WRN: variants seen among roughly 807,000 people sequenced by gnomAD.
WRN encodes WRN RecQ like helicase.
A neutral mutation model predicts 180.7 loss-of-function variants in WRN; 149 were observed. That is an observed-to-expected ratio of 0.82 (90% CI 0.72 to 0.94). The LOEUF (loss-of-function observed/expected upper bound fraction) is 0.94. Among genes scored for constraint, WRN ranks in the 40% least tolerant of loss-of-function variants. WRN has a pLI of 0.00. For missense variants in WRN, 1,661 were observed against 1,700.1 expected, an observed-to-expected ratio of 0.98 and a Z score of 0.40; for synonymous variants, 548 against 568.9, an observed-to-expected ratio of 0.96 and a Z score of 0.52.
chr8:31,038,558 T>G (rs937927533), intron 1 of WRN, among the ~76,000 whole-genome samples: 5 of 152,162 alleles, frequency 3.3e-5, no homozygotes, highest in Non-Finnish European at 7.4e-5. Flanking sequence ...CACTTTTAAA[T>G]TTTTATAGAG....
chr8:31,082,228 T>A (rs1813345000), intron 9 of WRN, among the ~76,000 whole-genome samples: 1 of 152,208 alleles, frequency 6.6e-6, no homozygotes, highest in Non-Finnish European at 1.5e-5. Context: ...CAAAATTACT[T>A]AAGATGCCTA....
At chr8:31,075,930 G>T (rs959097801) in intron 7 of WRN, among the ~76,000 whole-genome samples, 1 of 152,136 alleles carries the variant, frequency 6.6e-6, no homozygotes, top group Admixed American at 6.5e-5. Context: ...GTGAATAACT[G>T]CTGGGTTATA....
At chr8:31,126,436 T>A (rs1801935260) in intron 23 of WRN, among the ~76,000 whole-genome samples, 1 of 152,168 alleles carries the variant, frequency 6.6e-6, no homozygotes, top group South Asian at 2.1e-4. Context: ...TCAGAAAATG[T>A]TTTGAACTGA....
intron 3 of WRN, among the ~76,000 whole-genome samples, chr8:31,062,736 G>A (rs2130023826): frequency 6.6e-6 from 1 of 152,140 alleles, no homozygotes; most frequent in East Asian, 1.9e-4. Flanking sequence ...TCTTTATTAA[G>A]AAATGAAACA....
At chr8:31,052,678 C>T (rs76191071) in intron 1 of WRN, among the ~76,000 whole-genome samples, 25 of 152,206 alleles carry the variant, frequency 1.6e-4, no homozygotes, top group East Asian at 1.2e-3. Flanking sequence ...TGAGCCACTG[C>T]GCCTTAATTT....
chr8:31,139,214 G>C (rs554635915), intron 24 of WRN, among the ~76,000 whole-genome samples: 3 of 152,204 alleles, frequency 2.0e-5, no homozygotes, highest in African/African-American at 7.2e-5. Flanking sequence ...AGTTGCCTTA[G>C]TTAAGTTTGC....
In WRN at chr8:31,068,277, G is replaced by A. The variant is rs62506077; in HGVS notation, c.674G>A (p.Arg225Gln). 1.1e-5 allele frequency: 18 copies of A among 1,607,334 alleles called. No homozygotes were observed. The highest frequency in any genetic ancestry group is 3.3e-5 in the Admixed American group (2 of 59,718). The change falls in exon 7 of 35, where the codon CGA becomes CAA. Residue 225 changes from arginine (R) to glutamine (Q), a missense_variant. Around this residue, in one of 3 missense-constraint regions of WRN, gnomAD observed 500 missense variants for 504.1 expected, o/e 0.99. Coordinates refer to ENST00000298139, the MANE Select transcript of WRN (RefSeq NM_000553.6). ...TTATAGGCTGGTTTTATTATTTACC[G>A]AAATTTAGAGATTTTGGATGATACT... ...TDAYAGFIIY[R>Q]NLEILDDTVQ... is the part of the protein sequence containing the mutation.
intron 16 of WRN, among the ~76,000 whole-genome samples, chr8:31,093,454 C>T (rs1274195231): frequency 6.6e-6 from 1 of 152,106 alleles, no homozygotes; most frequent in Non-Finnish European, 1.5e-5. Flanking sequence ...TATTGTATTT[C>T]ATTGAATATA....
intron 23 of WRN, among the ~76,000 whole-genome samples, chr8:31,125,971 A>ATATATATATATATATATATATAT (rs1801914653): frequency 6.9e-6 from 1 of 145,598 alleles, no homozygotes; most frequent in African/African-American, 2.6e-5. Context: ...CATCATCCTA[A>ATATATATATATATATATATATAT]ATATATATAT....
At chr8:31,110,791 G>A (rs1801281912) in intron 18 of WRN, among the ~76,000 whole-genome samples, 2 of 152,084 alleles carry the variant, frequency 1.3e-5, no homozygotes, top group Admixed American at 1.3e-4. Context: ...TGATAATTTA[G>A]AAACAACTGT....
intron 27 of WRN, among the ~76,000 whole-genome samples, chr8:31,143,052 C>CACACACACAT (rs1272452345): frequency 8.6e-4 from 56 of 65,444 alleles, no homozygotes; most frequent in African/African-American, 2.5e-3. Context: ...CACACACACA[C>CACACACACAT]ACATTCTCTC....
In WRN at chr8:31,121,109, T is replaced by C. The variant is rs111642299; in HGVS notation, c.2630+685T>C. Among the ~76,000 whole-genome samples, 287 of 152,122 alleles carry C rather than the reference T, an allele frequency of 1.9e-3. 2 individuals are homozygous for C. The highest frequency in any genetic ancestry group is 6.5e-3 in the African/African-American group (272 of 41,548). On this transcript the variant is annotated intron_variant, in intron 21 of 34. Transcript: ENST00000298139. ...TTTTTTGTTGTAAAGGAAAACATTA[T>C]CTTGCAAAGATTTTGGGGCAGCATT... is the stretch of plus-strand genomic sequence containing the variant.
rs374140086 is a variant in WRN, at chr8:31,083,731, G to A, written c.1302G>A (p.Thr434=). 4.1e-5 allele frequency: 66 copies of A among 1,611,346 alleles called. No homozygotes were observed. Among genetic ancestry groups the A allele is most frequent in the Middle Eastern group, 1.7e-4 (1 of 6,044 alleles). The change falls in exon 10 of 35, where the codon ACG becomes ACA. Residue 434 remains threonine, a synonymous_variant. Coordinates refer to ENST00000298139, the MANE Select transcript of WRN (RefSeq NM_000553.6). ...HLSPNDNEND[T]SYVIESDEDL... ...CTCCCAATGATAATGAAAACGATACGTCCTATGTAATTGAGAGTGATGAAG... is the reference window on the plus strand; with the variant it reads ...CTCCCAATGATAATGAAAACGATACATCCTATGTAATTGAGAGTGATGAAG...
At chr8:31,119,369 ATCTTGCCATAGTTTATG>A (rs934503541) in intron 20 of WRN, among the ~76,000 whole-genome samples, 2 of 151,858 alleles carry the variant, frequency 1.3e-5, no homozygotes, top group Non-Finnish European at 2.9e-5. Flanking sequence ...TTACCACTAT[ATCTTGCCATAGTTTATG>A]TACCTGGCTC....
intron 9 of WRN, among the ~76,000 whole-genome samples, chr8:31,083,336 A>G (rs1247697319): frequency 1.3e-5 from 2 of 152,154 alleles, no homozygotes; most frequent in Non-Finnish European, 2.9e-5. Context: ...TTTGTACGGC[A>G]TTTTTCAACA....
intron 9 of WRN, among the ~76,000 whole-genome samples, chr8:31,081,750 G>A (rs1813321088): frequency 6.6e-6 from 1 of 151,850 alleles, no homozygotes; most frequent in Non-Finnish European, 1.5e-5. Context: ...TCTTTATACA[G>A]AATTTTTTTC....
At chr8:31,113,561 A>C (rs1801401295) in intron 19 of WRN, among the ~76,000 whole-genome samples, 1 of 152,114 alleles carries the variant, frequency 6.6e-6, no homozygotes. Context: ...CAGTCAGATC[A>C]TTATCTCCTC....
At chr8:31,146,164 A>G (rs2130435378) in intron 28 of WRN, among the ~76,000 whole-genome samples, 1 of 151,778 alleles carries the variant, frequency 6.6e-6, no homozygotes, top group African/African-American at 2.4e-5. Flanking sequence ...ACACGCTTAG[A>G]GTACTATTTT....
At chr8:31,037,233 C>T (rs1245265991) in intron 1 of WRN, among the ~76,000 whole-genome samples, 1 of 152,190 alleles carries the variant, frequency 6.6e-6, no homozygotes, top group Non-Finnish European at 1.5e-5. Context: ...CAACCTAGAT[C>T]CCTTGCATGC....
Sources: gnomAD v4.1 joint callset for allele counts (sites outside exome capture counted in the v4.1 genomes callset) on GRCh38, gnomAD v4.1.1 for gene constraint, gnomAD v4.1.1 regional missense constraint, MANE v1.5 for transcripts, NCBI Gene and HGNC (gene_info 2026-07-23, HGNC 2026-07-21) for gene names.